Variants in PKD1L3 observed in about 807,000 individuals in gnomAD.
The protein encoded by PKD1L3 is polycystin 1 like 3, transient receptor potential channel interacting, also known as polycystin-1-like protein 3.
A neutral mutation model predicts 184.1 loss-of-function variants in PKD1L3; 239 were observed. The ratio of observed to expected loss-of-function variants is 1.30; its 90% CI spans 1.17 to 1.45. The LOEUF (loss-of-function observed/expected upper bound fraction) is 1.45, where lower values mean the gene tolerates loss of function less well. Among genes scored for constraint, PKD1L3 ranks in the 40% most tolerant of loss-of-function variants. The pLI, the probability that PKD1L3 is intolerant of heterozygous loss-of-function variation, is 0.00. For synonymous variants in PKD1L3, 996 were observed against 778.8 expected (o/e 1.28, Z -4.64); for missense variants, 2,660 against 2,067.2 (o/e 1.29, Z -5.56).
chr16:71,997,066 GGAAA>G (rs1205643359), intron 2 of PKD1L3, among the ~76,000 whole-genome samples: 2 of 151,660 alleles, frequency 1.3e-5, no homozygotes, highest in Non-Finnish European at 2.9e-5. Flanking sequence ...GAGGAAAGTG[GGAAA>G]GAGTCACCCG....
At chr16:71,932,401 G>A (rs943057133) in intron 28 of PKD1L3, among the ~76,000 whole-genome samples, 2 of 152,218 alleles carry the variant, frequency 1.3e-5, no homozygotes, top group Non-Finnish European at 2.9e-5. Flanking sequence ...TCTCTGAAGT[G>A]AGTAGTTATT....
rs896159150 is a variant in PKD1L3 at position 71,933,477 on chromosome 16, A to G, written c.4869T>C (p.Phe1623=). Residue 1623 remains phenylalanine (F), a synonymous_variant, in exon 28 of 30, where the codon TTT becomes TTC. Transcript: ENST00000620267. ...FGCSISDYRT[F]FSSAVTVVGL... ...CAACAACAGTCACTGCTGAGCTGAA[A>G]AATGTCCGGTAGTCAGAGATGCTGC... 1.9e-6 allele frequency: 3 copies of G among 1,551,720 alleles called. No individual in the cohort carries two copies. The highest frequency in any genetic ancestry group is 2.7e-5 in the African/African-American group (2 of 73,030).
chr16:71,966,887 G>C, intron 15 of PKD1L3, among the ~76,000 whole-genome samples: 1 of 152,106 alleles, frequency 6.6e-6, no homozygotes. Context: ...TCACAATCAT[G>C]ACATTTAATG....
chr16:71,975,954 G>GT (rs1389026131), intron 11 of PKD1L3, among the ~76,000 whole-genome samples: 6 of 64,978 alleles, frequency 9.2e-5, no homozygotes, highest in African/African-American at 2.8e-4. Context: ...AGCTGTTTCT[G>GT]TTCTTTTTTT....
chr16:71,989,514 C>G (rs908884198), intron 4 of PKD1L3, among the ~76,000 whole-genome samples: 2 of 152,186 alleles, frequency 1.3e-5, no homozygotes, highest in African/African-American at 4.8e-5. Context: ...CAAACAAATG[C>G]ATATCTGTGT....
chr16:71,963,059 G>A, intron 16 of PKD1L3, 146 bp downstream of exon 16: 2 of 850,424 alleles, frequency 2.4e-6, no homozygotes, highest in Non-Finnish European at 3.3e-6. Context: ...GGTTACACCA[G>A]TTACAACCAC....
At chr16:71,976,258 G>A (rs2039916809) in intron 11 of PKD1L3, among the ~76,000 whole-genome samples, 1 of 31,396 alleles carries the variant, frequency 3.2e-5, no homozygotes, top group Non-Finnish European at 7.0e-5. Flanking sequence ...TGAGTGCCCA[G>A]CCTGTCTTTT....
chr16:71,978,538 CATACTTT>C (rs2040024117), intron 9 of PKD1L3, among the ~76,000 whole-genome samples, 155 bp from the exon 10 acceptor site: 4 of 90,780 alleles, frequency 4.4e-5, no homozygotes, highest in African/African-American at 1.0e-4. Context: ...TACATACATA[CATACTTT>C]TTTTTTTTTT....
In PKD1L3 at chr16:71,949,898, G is replaced by A. The variant is rs973003012; in HGVS notation, c.3503C>T (p.Ser1168Leu). The stretch of plus-strand genomic sequence containing the variant: ...GCTATAAAGTGCTGTAAAAAAGGCT[G>A]AAGCCAGGCTAGTGAAACCTAAGAG... ...WLLLGFTSLA[S>L]AFFTALYSLE... The change falls in exon 21 of 30, where the codon TCA (serine) becomes TTA (leucine). Residue 1168 changes from serine to leucine, a missense_variant. Coordinates refer to ENST00000620267, the MANE Select transcript of PKD1L3 (RefSeq NM_181536.2). 3.9e-6 allele frequency: 6 copies of A among 1,551,686 alleles called. No homozygotes were observed. The highest frequency in any genetic ancestry group is 2.0e-5 in the Admixed American group (1 of 51,004).
Position 71,970,077 on chromosome 16 carries a change from G to A in PKD1L3, c.1982C>T (p.Thr661Ile). 2 of 1,551,688 alleles carry A rather than the reference G, an allele frequency of 1.3e-6. No individual in the cohort carries two copies. Among genetic ancestry groups the A allele is most frequent in the South Asian group, 1.2e-5 (1 of 84,058 alleles). The change falls in exon 13 of 30, where the codon ACA (threonine) becomes ATA (isoleucine). Residue 661 changes from threonine (T) to isoleucine (I), a missense_variant. Transcript: ENST00000620267. ...QVGPQSTILRTQCLCNHLTFF... is the reference protein window; with the variant it reads ...QVGPQSTILRIQCLCNHLTFF... ...GGTCAGGTGGTTACAGAGACACTGTGTCCTCAGAATTGTGCTCTGTGGCCC... is the reference window on the plus strand; with the variant it reads ...GGTCAGGTGGTTACAGAGACACTGTATCCTCAGAATTGTGCTCTGTGGCCC...
intron 7 of PKD1L3, 79 bp from the exon 8 acceptor site, chr16:71,980,213 T>A: frequency 6.8e-7 from 1 of 1,471,170 alleles, no homozygotes; most frequent in East Asian, 2.5e-5. Flanking sequence ...TGGAGAAGAT[T>A]GGAAGGGGAA....
intron 28 of PKD1L3, chr16:71,930,681 A>G (rs1404718988): frequency 6.6e-6 from 1 of 152,254 alleles, no homozygotes; most frequent in Non-Finnish European, 1.5e-5. Context: ...TCATTTTTAA[A>G]GGTACAAGCA....
chr16:71,973,417 C>T lies in PKD1L3; in HGVS notation c.1860G>A (p.Gln620=). 5 of 1,551,668 alleles carry T rather than the reference C, an allele frequency of 3.2e-6. No individual in the cohort carries two copies. The highest frequency in any genetic ancestry group is 4.4e-6 in the Non-Finnish European group (5 of 1,147,006). ...TGACCGAGACCAAGCTGGGTGTCTG[C>T]TGAGCACCCTCCTGCCTCTCACTCA... ...AVLSERQEGA[Q]QTPSLVSVIT... The change falls in exon 12 of 30, where the codon CAG becomes CAA. Residue 620 remains glutamine, a synonymous_variant. Transcript: ENST00000620267.
chr16:71,970,090 T>A lies in PKD1L3; in HGVS notation c.1969A>T (p.Thr657Ser). The change falls in exon 13 of 30, where the codon ACA becomes TCA. Residue 657 changes from threonine to serine, a missense_variant. Physicochemically the swap from Thr to Ser is moderately conservative, Grantham distance 58 (BLOSUM62 1). Transcript: ENST00000620267. Reference protein sequence around the residue: ...SAGCQVGPQSTILRTQCLCNH... With the variant: ...SAGCQVGPQSSILRTQCLCNH... ...CAGAGACACTGTGTCCTCAGAATTG[T>A]GCTCTGTGGCCCAACCTGGAATTAG... 1.3e-6 allele frequency: 2 copies of A among 1,551,658 alleles called. No individual in the cohort carries two copies.
chr16:71,987,153 G>A (rs2040403891), intron 4 of PKD1L3, among the ~76,000 whole-genome samples: 2 of 151,538 alleles, frequency 1.3e-5, no homozygotes. Context: ...TCGATCTCCT[G>A]ACCTTGTGAT....
At chr16:71,998,477 G>T (rs1236451566) in intron 1 of PKD1L3, 83 bp from the exon 2 acceptor site, 2 of 1,464,912 alleles carry the variant, frequency 1.4e-6, no homozygotes, top group South Asian at 1.4e-5. Context: ...TTTTGAGACA[G>T]TCCCACTCAG....
At chr16:71,947,752 G>C (rs2038674305) in intron 21 of PKD1L3, among the ~76,000 whole-genome samples, 161 bp from the exon 22 acceptor site, 1 of 152,084 alleles carries the variant, frequency 6.6e-6, no homozygotes, top group South Asian at 2.1e-4. Context: ...ACAATGATGG[G>C]TACCAGGAGA....
At chr16:71,936,519 CT>C (rs397785025) in intron 25 of PKD1L3, among the ~76,000 whole-genome samples, 142 of 123,488 alleles carry the variant, frequency 1.1e-3, no homozygotes, top group South Asian at 1.2e-3. Context: ...TTTTTTTTTT[CT>C]TTTTTTTTTT....
intron 24 of PKD1L3, 22 bp from the exon 25 acceptor site, chr16:71,937,441 T>A: frequency 6.5e-7 from 1 of 1,548,026 alleles, no homozygotes. Context: ...AAAGAACACC[T>A]GGAGTCAAGA....
Sources: allele counts gnomAD v4.1 joint callset (sites outside exome capture counted in the v4.1 genomes callset), GRCh38; gene constraint gnomAD v4.1.1; transcripts MANE v1.5; gene names NCBI Gene and HGNC (gene_info 2026-07-23, HGNC 2026-07-21).